The following ATG7 variants were observed in gnomAD, a reference collection of about 807,000 sequenced individuals.
The protein encoded by ATG7 is autophagy related 7, also known as ubiquitin-like modifier-activating enzyme ATG7.
ATG7 carries 70 observed loss-of-function variants against 82.4 expected under a neutral mutation model. The ratio of observed to expected loss-of-function variants is 0.85; its 90% CI spans 0.70 to 1.04. The LOEUF is 1.04. Among genes scored for constraint, ATG7 ranks in the 50% least tolerant of loss-of-function variants. The pLI is 0.00. For missense variants in ATG7, 792 were observed against 864.3 expected (o/e 0.92, Z 1.05); for synonymous variants, 287 against 313.0 (o/e 0.92, Z 0.88).
At chr3:11,426,028 C>T (rs1307713353) in intron 19 of ATG7, among the ~76,000 whole-genome samples, 1 of 152,132 alleles carries the variant, frequency 6.6e-6, no homozygotes, top group Non-Finnish European at 1.5e-5. Flanking sequence ...TGATGGTCAC[C>T]TCAATGGTTT....
chr3:11,381,984 G>A (rs1219222371), intron 19 of ATG7, among the ~76,000 whole-genome samples: 1 of 152,098 alleles, frequency 6.6e-6, no homozygotes, highest in African/African-American at 2.4e-5. Context: ...TTTTCTTAAT[G>A]TATATTTAGT....
rs371564550 is a variant in ATG7 at position 11,333,132 on chromosome 3, T to A, written c.889+39T>A. On this transcript the variant is annotated intron_variant, in intron 11 of 20. Transcript: ENST00000693202. The stretch of plus-strand genomic sequence containing the variant: ...CTTTGAAAATGCATATAATTATCAT[T>A]TATCAGAAACGGAACCAGGTTTACT... 1.6e-5 allele frequency: 24 copies of A among 1,505,718 alleles called. No homozygotes were observed. The African/African-American group carries it at 3.2e-4, about 20-fold the overall frequency. The allele number at this position is 1,505,718 out of a possible 1,614,324, so 93.3% of individuals were successfully genotyped here.
intron 20 of ATG7, among the ~76,000 whole-genome samples, chr3:11,519,180 T>A (rs2092366242): frequency 6.6e-6 from 1 of 152,178 alleles, no homozygotes; most frequent in Non-Finnish European, 1.5e-5. Context: ...AAAAACAATT[T>A]TTTTTTAACC....
chr3:11,310,040 C>T (rs527502860), intron 7 of ATG7, among the ~76,000 whole-genome samples: 3 of 152,068 alleles, frequency 2.0e-5, no homozygotes, highest in Admixed American at 1.3e-4. Context: ...GTGGCGCCTG[C>T]CTGTGGTTCC....
intron 14 of ATG7, among the ~76,000 whole-genome samples, chr3:11,353,893 C>T (rs181121012): frequency 1.7e-4 from 26 of 152,276 alleles, no homozygotes; most frequent in Non-Finnish European, 3.4e-4. Context: ...TGGACTAACA[C>T]AGGAAATACA....
intron 18 of ATG7, among the ~76,000 whole-genome samples, chr3:11,371,467 G>C (rs1175142037): frequency 2.6e-5 from 4 of 151,062 alleles, no homozygotes; most frequent in Admixed American, 1.3e-4. Flanking sequence ...GATATGAGTA[G>C]ATTTGGTTGC....
intron 19 of ATG7, among the ~76,000 whole-genome samples, chr3:11,419,184 C>T (rs1051194362): frequency 1.3e-5 from 2 of 152,168 alleles, no homozygotes; most frequent in African/African-American, 4.8e-5. Flanking sequence ...CTTCATGTTT[C>T]CTCCCCTCTT....
chr3:11,444,161 T>C (rs575828761), intron 20 of ATG7, among the ~76,000 whole-genome samples: 1 of 152,364 alleles, frequency 6.6e-6, no homozygotes, highest in Admixed American at 6.5e-5. Context: ...TTCATTTTCG[T>C]TGCTATGTAG....
At chr3:11,341,124 C>T (rs1953527164) in intron 12 of ATG7, among the ~76,000 whole-genome samples, 1 of 151,672 alleles carries the variant, frequency 6.6e-6, no homozygotes, top group Non-Finnish European at 1.5e-5. Context: ...TACAATGGCG[C>T]AATCTCTGCT....
chr3:11,552,693 G>A (rs547501802), intron 20 of ATG7, among the ~76,000 whole-genome samples: 103 of 152,100 alleles, frequency 6.8e-4, no homozygotes, highest in Non-Finnish European at 1.1e-3. Flanking sequence ...AATAATCCCC[G>A]CACAATAAGT....
At chr3:11,430,925 T>C (rs1663862651) in intron 20 of ATG7, among the ~76,000 whole-genome samples, 1 of 151,722 alleles carries the variant, frequency 6.6e-6, no homozygotes, top group Non-Finnish European at 1.5e-5. Flanking sequence ...AGAGAAAGAG[T>C]AGAGAAGGGA....
intron 11 of ATG7, among the ~76,000 whole-genome samples, chr3:11,333,561 T>C (rs545498931): frequency 1.3e-5 from 2 of 152,242 alleles, no homozygotes; most frequent in East Asian, 3.9e-4. Context: ...GTGACAGTTA[T>C]CAGCTTTTAC....
intron 12 of ATG7, 56 bp from the exon 13 acceptor site, chr3:11,342,079 A>G (rs946023599): frequency 1.3e-6 from 2 of 1,499,854 alleles, no homozygotes; most frequent in Non-Finnish European, 1.8e-6. Context: ...GAAATCTTTC[A>G]GAACAAGATT....
intron 19 of ATG7, among the ~76,000 whole-genome samples, chr3:11,407,448 T>G (rs913144230): frequency 4.6e-5 from 7 of 152,214 alleles, no homozygotes; most frequent in Admixed American, 6.5e-5. Flanking sequence ...TCTATCATTC[T>G]GAGGTCTAGA....
intron 20 of ATG7, among the ~76,000 whole-genome samples, chr3:11,527,767 T>C (rs2092615255): frequency 6.6e-6 from 1 of 152,254 alleles, no homozygotes; most frequent in Non-Finnish European, 1.5e-5. Flanking sequence ...AGTAACACTC[T>C]TAGTTTTAAT....
At chr3:11,337,503 T>A (rs867388337) in intron 11 of ATG7, among the ~76,000 whole-genome samples, 10 of 151,826 alleles carry the variant, frequency 6.6e-5, no homozygotes, top group African/African-American at 1.9e-4. Flanking sequence ...TATATATATA[T>A]AATTTAATTT....
At chr3:11,348,080 G>C in intron 14 of ATG7, 45 bp downstream of exon 14, 1 of 1,564,346 alleles carries the variant, frequency 6.4e-7, no homozygotes, top group Non-Finnish European at 8.7e-7. Flanking sequence ...ATGTATAAAT[G>C]TTTAAGTCTT....
At position 11,403,689 on chromosome 3, in the gene ATG7, G is replaced by A. The variant is rs77803380; in HGVS notation, c.1957-23115G>A. 7.1e-3 allele frequency among the ~76,000 whole-genome samples: 1,083 copies of A among 152,186 alleles called. 16 individuals are homozygous for A. The highest frequency in any genetic ancestry group is 0.025 in the African/African-American group (1,030 of 41,504). On this transcript the variant is annotated intron_variant, in intron 19 of 20. Coordinates refer to ENST00000693202, the MANE Select transcript of ATG7 (RefSeq NM_001349232.2). The stretch of plus-strand genomic sequence containing the variant: ...CTCACATTGCTTTAGAAATTAATAC[G>A]AATGCTAATGAAAAGGCAAGGAATA...
At chr3:11,465,733 C>A (rs1348204938) in intron 20 of ATG7, among the ~76,000 whole-genome samples, 1 of 151,914 alleles carries the variant, frequency 6.6e-6, no homozygotes, top group Admixed American at 6.6e-5. Context: ...CCACTGCACA[C>A]CAACCTGGGC....
Sources: gnomAD v4.1 joint callset for allele counts (sites outside exome capture counted in the v4.1 genomes callset) on GRCh38, gnomAD v4.1.1 for gene constraint, MANE v1.5 for transcripts, NCBI Gene and HGNC (gene_info 2026-07-23, HGNC 2026-07-21) for gene names.